XRCC5: variants seen among roughly 807,000 people sequenced by gnomAD.
The protein encoded by XRCC5 is DNA repair protein Ku80.
Under a neutral mutation model 95.7 loss-of-function variants are expected in XRCC5, and 12 were observed. The ratio of observed to expected loss-of-function variants is 0.13; its 90% CI spans 0.08 to 0.20. The LOEUF is 0.20. XRCC5 is among the 10% of genes least tolerant of loss of function. XRCC5 has a pLI of 1.00. For missense variants in XRCC5, 595 were observed against 873.9 expected (o/e 0.68, Z 4.02); for synonymous variants, 281 against 290.3 (o/e 0.97, Z 0.33).
intron 14 of XRCC5, among the ~76,000 whole-genome samples, chr2:216,154,457 G>T (rs184708840): frequency 6.6e-6 from 1 of 152,128 alleles, no homozygotes; most frequent in Non-Finnish European, 1.5e-5. Flanking sequence ...TAATAGCATC[G>T]CCCACTGCCA....
chr2:216,147,404 G>A (rs1313499420), intron 13 of XRCC5, among the ~76,000 whole-genome samples: 2 of 152,096 alleles, frequency 1.3e-5, no homozygotes, highest in Admixed American at 6.5e-5. Flanking sequence ...GTTCATTCTC[G>A]GACCACTTCC....
At chr2:216,149,731 CACCCAG>C (rs1337799109) in intron 14 of XRCC5, among the ~76,000 whole-genome samples, 3 of 152,098 alleles carry the variant, frequency 2.0e-5, no homozygotes, top group Non-Finnish European at 4.4e-5. Context: ...AAAAGCACAC[CACCCAG>C]ACCCAGAAGG....
chr2:216,136,216 C>T (rs1279295593), intron 10 of XRCC5, among the ~76,000 whole-genome samples: 4 of 151,948 alleles, frequency 2.6e-5, no homozygotes, highest in South Asian at 2.1e-4. Context: ...ATTAGCCGGG[C>T]GTGGTGGCAC....
At chr2:216,117,158 C>T (rs192754698) in intron 3 of XRCC5, 5 of 257,714 alleles carry the variant, frequency 1.9e-5, no homozygotes, top group Admixed American at 1.5e-4. Flanking sequence ...TAGTGGTGCT[C>T]GTTAGAAATG....
intron 18 of XRCC5, among the ~76,000 whole-genome samples, chr2:216,194,128 A>G (rs1300069495): frequency 6.6e-6 from 1 of 152,210 alleles, no homozygotes; most frequent in Non-Finnish European, 1.5e-5. Context: ...TCATTTATTT[A>G]TTGAGCTTCT....
At chr2:216,149,962 G>C (rs538857355) in intron 14 of XRCC5, among the ~76,000 whole-genome samples, 1 of 152,120 alleles carries the variant, frequency 6.6e-6, no homozygotes, top group Non-Finnish European at 1.5e-5. Context: ...AGAAAGCTTA[G>C]TTTTTAAGAA....
At chr2:216,142,824 A>G (rs116074580) in intron 13 of XRCC5, among the ~76,000 whole-genome samples, 4,912 of 152,200 alleles carry the variant, frequency 0.032, 105 homozygotes, top group Non-Finnish European at 0.047. Flanking sequence ...GATGCTTGTA[A>G]TTCTTTTAAG....
At chr2:216,187,515 T>TGTGTGTGTTC (rs1689518580) in intron 16 of XRCC5, among the ~76,000 whole-genome samples, 1 of 131,394 alleles carries the variant, frequency 7.6e-6, no homozygotes, top group Non-Finnish European at 1.6e-5. Context: ...TGTGTGTGTG[T>TGTGTGTGTTC]GTGTGTTCTA....
intron 16 of XRCC5, among the ~76,000 whole-genome samples, chr2:216,166,528 C>A (rs184224613): frequency 6.6e-6 from 1 of 152,242 alleles, no homozygotes; most frequent in East Asian, 1.9e-4. Context: ...TTGCCATCAT[C>A]TGGGATTTGT....
At chr2:216,163,151 T>A (rs1688985344) in intron 16 of XRCC5, among the ~76,000 whole-genome samples, 1 of 145,852 alleles carries the variant, frequency 6.9e-6, no homozygotes, top group Non-Finnish European at 1.5e-5. Flanking sequence ...TTTTTTTTTT[T>A]AGTGACAGGG....
At chr2:216,175,707 G>T in intron 16 of XRCC5, 1 of 432,778 alleles carries the variant, frequency 2.3e-6, no homozygotes, top group Non-Finnish European at 4.4e-6. Context: ...AACTGTCTTT[G>T]GTTCCACTCC....
chr2:216,179,929 T>C (rs1436063989), intron 16 of XRCC5, among the ~76,000 whole-genome samples: 1 of 152,174 alleles, frequency 6.6e-6, no homozygotes, highest in Non-Finnish European at 1.5e-5. Context: ...CCGGAGGTAG[T>C]AAGAAGAGGT....
At chr2:216,127,780 G>T (rs1696920924) in intron 8 of XRCC5, 106 bp downstream of exon 8, 1 of 1,268,410 alleles carries the variant, frequency 7.9e-7, no homozygotes, top group Non-Finnish European at 1.1e-6. Context: ...ATTTCTTTGA[G>T]TTATAGAAAT....
At chr2:216,121,059 C>A (rs546096968) in intron 5 of XRCC5, among the ~76,000 whole-genome samples, 1 of 152,286 alleles carries the variant, frequency 6.6e-6, no homozygotes, top group African/African-American at 2.4e-5. Context: ...CTTCTACTGA[C>A]TACTGAGGAA....
chr2:216,110,355 G>C (rs1476531097), intron 1 of XRCC5: 1 of 152,082 alleles, frequency 6.6e-6, no homozygotes, highest in Non-Finnish European at 1.5e-5. Context: ...AACAAGATAC[G>C]AGTTTGAGCA....
At chr2:216,159,366 C>G (rs1183155856) in intron 14 of XRCC5, among the ~76,000 whole-genome samples, 1 of 152,182 alleles carries the variant, frequency 6.6e-6, no homozygotes, top group East Asian at 1.9e-4. Flanking sequence ...GCTGTTAAAG[C>G]CAGCATGTTG....
intron 16 of XRCC5, chr2:216,175,586 T>G (rs1243793390): frequency 5.1e-6 from 2 of 393,302 alleles, no homozygotes; most frequent in Non-Finnish European, 9.8e-6. Flanking sequence ...GTTTCAGTCT[T>G]GCTATAGTTT....
chr2:216,142,024 A>G (rs1258223619), intron 13 of XRCC5, among the ~76,000 whole-genome samples: 2 of 152,036 alleles, frequency 1.3e-5, no homozygotes, highest in Non-Finnish European at 2.9e-5. Context: ...CCTGTACTCC[A>G]GCCTGGGCGG....
intron 13 of XRCC5, among the ~76,000 whole-genome samples, chr2:216,147,403 C>T (rs1017125156): frequency 1.2e-4 from 19 of 152,070 alleles, no homozygotes; most frequent in South Asian, 2.1e-4. Context: ...AGTTCATTCT[C>T]GGACCACTTC....
Sources: allele counts gnomAD v4.1 joint callset (sites outside exome capture counted in the v4.1 genomes callset), GRCh38; gene constraint gnomAD v4.1.1; transcripts MANE v1.5; gene names NCBI Gene and HGNC (gene_info 2026-07-23, HGNC 2026-07-21).